Variants in CENPE observed in about 807,000 individuals in gnomAD.
CENPE encodes the protein centromere-associated protein E.
Under a neutral mutation model 336.1 loss-of-function variants are expected in CENPE, and 145 were observed. The observed-to-expected ratio is 0.43, with a 90% CI of 0.38 to 0.50. The LOEUF (loss-of-function observed/expected upper bound fraction) is 0.50, where lower values mean the gene tolerates loss of function less well. Among genes scored for constraint, CENPE ranks in the 20% least tolerant of loss-of-function variants. The pLI, the probability that CENPE is intolerant of heterozygous loss-of-function variation, is 0.00. For synonymous variants in CENPE, 1,013 were observed against 984.8 expected (o/e 1.03, Z -0.54); for missense variants, 2,719 against 3,023.3 (o/e 0.90, Z 2.36).
Position 103,158,901 on chromosome 4 carries a change from A to G in CENPE, c.2602-15T>C. 1 of 1,589,054 alleles carries G rather than the reference A, an allele frequency of 6.3e-7. No homozygotes were observed. Among genetic ancestry groups the G allele is most frequent in the Non-Finnish European group, 8.5e-7 (1 of 1,172,828 alleles). ...TTGTAAGAAAGCTTTAAAAAAGAAA[A>G]AGTAAATGTCACACAGTAAAAGCAG... On this transcript the variant is annotated splice_polypyrimidine_tract_variant and intron_variant, in intron 22 of 48. Transcript: ENST00000265148.
Position 103,142,924 on chromosome 4 carries a change from G to A in CENPE, c.5304+324C>T, listed in dbSNP as rs139148492. ...TTGGGAGACTTGAGGCAGGAGAATCGCTTGAACCCGGGAGGCAGACATTGC... is the reference window on the plus strand; with the variant it reads ...TTGGGAGACTTGAGGCAGGAGAATCACTTGAACCCGGGAGGCAGACATTGC... On this transcript the variant is annotated intron_variant, in intron 34 of 48. Transcript: ENST00000265148. 3.6e-4 allele frequency among the ~76,000 whole-genome samples: 53 copies of A among 145,664 alleles called. No individual in the cohort carries two copies. The East Asian group carries it at 0.01, about 29-fold the overall frequency.
chr4:103,169,244 G>C (rs1042781210), intron 16 of CENPE, among the ~76,000 whole-genome samples: 17 of 144,352 alleles, frequency 1.2e-4, no homozygotes, highest in Middle Eastern at 7.0e-3. Context: ...ATAGAGTCAG[G>C]AGGCAAAAAA....
chr4:103,196,766 G>A lies in CENPE; in HGVS notation c.141C>T (p.Phe47=), dbSNP rs1401371700. The stretch of plus-strand genomic sequence containing the variant: ...ATGCTATTATAAGCTTACCAAAATT[G>A]AAGGATTTACTTCCATCAACTTGAT... ...VIYQVDGSKS[F]NFDRVFHGNE... The change falls in exon 2 of 49, where the codon TTC becomes TTT. Residue 47 remains phenylalanine (F), a synonymous_variant. Coordinates refer to ENST00000265148, the MANE Select transcript of CENPE (RefSeq NM_001813.3). 3 of 1,545,542 alleles carry A rather than the reference G, an allele frequency of 1.9e-6. No homozygotes were observed. Among genetic ancestry groups the A allele is most frequent in the Admixed American group, 1.7e-5 (1 of 58,290 alleles).
rs749308886 is a variant in CENPE at position 103,132,786 on chromosome 4, A to G, written c.6831T>C (p.Asn2277=). Residue 2277 remains asparagine, a synonymous_variant, in exon 42 of 49, where the codon AAT becomes AAC. Transcript: ENST00000265148. The part of the protein sequence containing the change: ...EMTQFLEEWL[N]TRFDIEKLKN... ...TAAGCTTTTCTATATCAAAACGAGT[A>G]TTTAACCACTCTTCCAAAAACTGTG... The G allele has an allele frequency of 6.3e-7, 1 of 1,578,896 alleles. No individual in the cohort carries two copies. The highest frequency in any genetic ancestry group is 1.7e-5 in the Admixed American group (1 of 57,368).
At chr4:103,183,963 A>C (rs934370316) in intron 9 of CENPE, among the ~76,000 whole-genome samples, 2 of 152,124 alleles carry the variant, frequency 1.3e-5, no homozygotes, top group African/African-American at 2.4e-5. Flanking sequence ...GATCTTTTTC[A>C]TTCTTTTTTA....
intron 16 of CENPE, among the ~76,000 whole-genome samples, chr4:103,172,998 A>T (rs1755539770): frequency 6.6e-6 from 1 of 152,056 alleles, no homozygotes; most frequent in African/African-American, 2.4e-5. Context: ...ACAAAAGTAG[A>T]TTAAAAACAA....
Position 103,148,937 on chromosome 4 carries a change from A to G in CENPE, c.3750T>C (p.Thr1250=). The G allele has an allele frequency of 1.9e-6, 3 of 1,613,642 alleles. No individual in the cohort carries two copies. The highest frequency in any genetic ancestry group is 2.5e-6 in the Non-Finnish European group (3 of 1,179,678). Residue 1250 remains threonine, a synonymous_variant, in exon 28 of 49, where the codon ACT becomes ACC. Coordinates refer to ENST00000265148, the MANE Select transcript of CENPE (RefSeq NM_001813.3). The part of the protein sequence containing the change: ...AHIHLKEHQE[T]IDELRRSVSE... ...ATACGCTTCTTCTTAGTTCATCAAT[A>G]GTTTCTTGGTGTTCTTTTAGGTGAA...
chr4:103,114,645 C>T (rs2125847397), intron 45 of CENPE, 93 bp from the exon 46 acceptor site: 1 of 747,362 alleles, frequency 1.3e-6, no homozygotes, highest in East Asian at 2.6e-5. Flanking sequence ...TCTAACACAT[C>T]ACATTGACAT....
intron 8 of CENPE, among the ~76,000 whole-genome samples, chr4:103,193,753 G>A (rs903020322): frequency 2.6e-5 from 4 of 151,982 alleles, no homozygotes; most frequent in Admixed American, 1.3e-4. Flanking sequence ...AAAGTACTAC[G>A]TTTACAATAC....
chr4:103,180,174 T>A, intron 13 of CENPE, 137 bp downstream of exon 13: 3 of 659,700 alleles, frequency 4.5e-6, no homozygotes, highest in Non-Finnish European at 6.9e-6. Flanking sequence ...TCTTAGGTAC[T>A]ATGAAACACA....
intron 44 of CENPE, among the ~76,000 whole-genome samples, chr4:103,118,431 C>T (rs898687809): frequency 6.6e-6 from 1 of 152,132 alleles, no homozygotes; most frequent in Non-Finnish European, 1.5e-5. Context: ...TTTTGTATAA[C>T]ATTCCTTCAC....
chr4:103,189,746 C>T (rs954414248), intron 8 of CENPE, among the ~76,000 whole-genome samples: 1 of 152,162 alleles, frequency 6.6e-6, no homozygotes, highest in Non-Finnish European at 1.5e-5. Flanking sequence ...CAAGGATGCC[C>T]TCTCTCACCA....
At chr4:103,109,142 T>G (rs1031442756) in intron 47 of CENPE, 53 bp from the exon 48 acceptor site, 8 of 1,352,590 alleles carry the variant, frequency 5.9e-6, no homozygotes, top group Non-Finnish European at 7.1e-6. Context: ...ATTCTTAAGA[T>G]GTATTCACAT....
chr4:103,141,104 T>C lies in CENPE; in HGVS notation c.5464A>G (p.Ile1822Val), dbSNP rs1752520219. 1 of 1,495,524 alleles carries C rather than the reference T, an allele frequency of 6.7e-7. No individual in the cohort carries two copies. The highest frequency in any genetic ancestry group is 9.1e-7 in the Non-Finnish European group (1 of 1,100,982). The allele number at this position is 1,495,524 out of a possible 1,614,324, so 92.6% of individuals were successfully genotyped here. The stretch of plus-strand genomic sequence containing the variant: ...TGTTCATTTGCCTTAAGTTCTTGAA[T>C]CTTAAGATAATCATAAAATAATATG... ...ENSNAKLQEK[I>V]QELKANEHQL... Residue 1822 changes from isoleucine (I) to valine (V), a missense_variant and splice_region_variant, in exon 36 of 49, where the codon ATT becomes GTT. This residue lies in a region of CENPE where 2,437 missense variants were observed against 2,513.3 expected (regional missense o/e 0.97). Coordinates refer to ENST00000265148, the MANE Select transcript of CENPE (RefSeq NM_001813.3).
rs759905554 is a variant in CENPE at position 103,143,283 on chromosome 4, C to G, written c.5269G>C (p.Asp1757His). ...KTNEISNMQK[D>H]LEHSNDALKA... The stretch of plus-strand genomic sequence containing the variant: ...AAGGCATCATTTGAGTGTTCTAAGT[C>G]CTTTTGCATATTTGATATTTCATTT... The change falls in exon 34 of 49, where the codon GAC becomes CAC. Residue 1757 changes from aspartate to histidine, a missense_variant. Physicochemically the swap from Asp to His is moderately conservative, Grantham distance 81 (BLOSUM62 -1). Around this residue, in one of 5 missense-constraint regions of CENPE, gnomAD observed 2,437 missense variants for 2,513.3 expected, o/e 0.97. Coordinates refer to ENST00000265148, the MANE Select transcript of CENPE (RefSeq NM_001813.3). 4 of 1,606,672 alleles carry G rather than the reference C, an allele frequency of 2.5e-6. No homozygotes were observed. The South Asian group carries it at 4.4e-5, about 18-fold the overall frequency.
At chr4:103,114,310 G>A (rs1187261009) in intron 46 of CENPE, 145 bp downstream of exon 46, 1 of 562,044 alleles carries the variant, frequency 1.8e-6, no homozygotes, top group African/African-American at 1.9e-5. Context: ...TGGAAATATG[G>A]TTCCAATAAA....
At position 103,146,197 on chromosome 4, in the gene CENPE, G is replaced by A. The variant is rs1218408310; in HGVS notation, c.4135-90C>T. On this transcript the variant is annotated intron_variant, in intron 29 of 48. Transcript: ENST00000265148. ...TCAGGATGCTTTCTAAAACAATTAA[G>A]GCAGGATTCAGTGCCTCATTTACAG... is the stretch of plus-strand genomic sequence containing the variant. 6 of 1,230,026 alleles carry A rather than the reference G, an allele frequency of 4.9e-6. No individual in the cohort carries two copies. In the African/African-American group the frequency reaches 7.5e-5, roughly 15 times the overall value. The allele number at this position is 1,230,026 out of a possible 1,614,324, so 76.2% of individuals were successfully genotyped here. A position where few individuals can be genotyped will look rare whatever the true frequency, so the allele number is the denominator to read the frequency against.
In CENPE at chr4:103,145,506, C is replaced by T; in HGVS notation, c.4572+17G>A. 1 of 1,588,568 alleles carries T rather than the reference C, an allele frequency of 6.3e-7. No individual in the cohort carries two copies. Among genetic ancestry groups the T allele is most frequent in the South Asian group, 1.2e-5 (1 of 85,916 alleles). ...ACCCACCCATTTCCTCCCACTGTTT[C>T]TTCATCCCCAATTTACCTTGTTCTG... On this transcript the variant is annotated intron_variant, in intron 31 of 48. Coordinates refer to ENST00000265148, the MANE Select transcript of CENPE (RefSeq NM_001813.3).
intron 16 of CENPE, among the ~76,000 whole-genome samples, chr4:103,165,163 G>T (rs533543584): frequency 6.6e-6 from 1 of 152,078 alleles, no homozygotes; most frequent in South Asian, 2.1e-4. Flanking sequence ...TGTGTGAAAA[G>T]GAAAAATGAT....
Sources: gnomAD v4.1 joint callset for allele counts (sites outside exome capture counted in the v4.1 genomes callset) on GRCh38, gnomAD v4.1.1 for gene constraint, gnomAD v4.1.1 regional missense constraint, MANE v1.5 for transcripts, NCBI Gene and HGNC (gene_info 2026-07-23, HGNC 2026-07-21) for gene names.